ZNF385D: variants seen among roughly 807,000 people sequenced by gnomAD.
ZNF385D encodes zinc finger protein 385D.
ZNF385D carries 15 observed loss-of-function variants against 35.8 expected under a neutral mutation model. The observed-to-expected ratio is 0.42, with a 90% confidence interval of 0.28 to 0.64. The LOEUF (loss-of-function observed/expected upper bound fraction) is 0.64, where lower values mean the gene tolerates loss of function less well. ZNF385D is among the 30% of genes least tolerant of loss of function. The probability of loss-of-function intolerance (pLI) is 0.23; values close to 1 mark genes in which losing one functional copy is unlikely to be tolerated. For missense variants in ZNF385D, 474 were observed against 494.6 expected (o/e 0.96, Z 0.39); for synonymous variants, 212 against 186.8 (o/e 1.13, Z -1.10).
intron 3 of ZNF385D, among the ~76,000 whole-genome samples, chr3:21,883,531 T>G (rs890660524): frequency 6.6e-6 from 1 of 151,988 alleles, no homozygotes; most frequent in African/African-American, 2.4e-5. Flanking sequence ...CCATTCATCC[T>G]TGGTCATGCT....
intron 2 of ZNF385D, among the ~76,000 whole-genome samples, chr3:22,259,608 A>G (rs1700514783): frequency 6.6e-6 from 1 of 152,146 alleles, no homozygotes; most frequent in Admixed American, 6.6e-5. Flanking sequence ...AAAAATGTTT[A>G]ATTCAAGTTT....
Position 21,895,319 on chromosome 3 carries a change from CTTTTTTTTTT to C in ZNF385D, c.326-230301_326-230292del, listed in dbSNP as rs34167369. Among the ~76,000 whole-genome samples, 306 of 62,698 alleles carry C rather than the reference CTTTTTTTTTT, an allele frequency of 4.9e-3. 3 individuals are homozygous for C. The highest frequency in any genetic ancestry group is 0.018 in the African/African-American group (283 of 15,736). The allele number at this position is 62,698 out of a possible 152,430, so 41.1% of individuals were successfully genotyped here. A position where few individuals can be genotyped will look rare whatever the true frequency, so the allele number is the denominator to read the frequency against. ...ATGGTTGAATCACTGAAATGTGTGG[CTTTTTTTTTT>C]TTTTTTTTTTTTTTTTAAGACAGAG... On this transcript the variant is annotated intron_variant, in intron 3 of 5. Transcript: ENST00000494108.
intron 3 of ZNF385D, among the ~76,000 whole-genome samples, chr3:21,847,007 T>C (rs939907978): frequency 7.2e-5 from 11 of 152,152 alleles, no homozygotes; most frequent in African/African-American, 2.6e-4. Context: ...AACCCAGGCC[T>C]TCTCAAGCCC....
chr3:22,338,775 A>G (rs1310761102), intron 2 of ZNF385D, among the ~76,000 whole-genome samples: 2 of 140,352 alleles, frequency 1.4e-5, no homozygotes, highest in African/African-American at 5.6e-5. Context: ...ATCTCGGCTC[A>G]CTGTAGCCTC....
intron 3 of ZNF385D, among the ~76,000 whole-genome samples, chr3:21,925,106 G>A (rs1034776757): frequency 6.6e-6 from 1 of 152,138 alleles, no homozygotes; most frequent in Non-Finnish European, 1.5e-5. Flanking sequence ...TAATCCAATT[G>A]CTAAGAAAAT....
At chr3:22,134,168 T>C (rs1703966915) in intron 3 of ZNF385D, among the ~76,000 whole-genome samples, 1 of 151,918 alleles carries the variant, frequency 6.6e-6, no homozygotes, top group Non-Finnish European at 1.5e-5. Flanking sequence ...CAACTATATA[T>C]TATCAATGAG....
chr3:21,886,579 T>C (rs1464540512), intron 3 of ZNF385D, among the ~76,000 whole-genome samples: 1 of 152,052 alleles, frequency 6.6e-6, no homozygotes, highest in Non-Finnish European at 1.5e-5. Flanking sequence ...AACCACAATT[T>C]TTATGAGTCT....
intron 2 of ZNF385D, among the ~76,000 whole-genome samples, chr3:21,655,805 AC>A (rs1293748987): frequency 2.6e-5 from 4 of 152,066 alleles, no homozygotes; most frequent in African/African-American, 9.7e-5. Flanking sequence ...TCAGTGATTT[AC>A]CATTTGTATG....
intron 3 of ZNF385D, among the ~76,000 whole-genome samples, chr3:21,533,943 A>G (rs1465139571): frequency 1.3e-5 from 2 of 152,126 alleles, no homozygotes; most frequent in African/African-American, 4.8e-5. Flanking sequence ...TTTTAGAAAG[A>G]TGGTAAGTAT....
At chr3:21,763,402 C>T (rs2070702897) in intron 3 of ZNF385D, among the ~76,000 whole-genome samples, 2 of 152,130 alleles carry the variant, frequency 1.3e-5, no homozygotes, top group Non-Finnish European at 2.9e-5. Context: ...ACAAGGGTTT[C>T]TATAAAGTGA....
At chr3:22,143,059 TTGTGTGTGTGTGTGTGTGTGTG>T (rs57448532) in intron 3 of ZNF385D, among the ~76,000 whole-genome samples, 8 of 140,916 alleles carry the variant, frequency 5.7e-5, no homozygotes, top group Admixed American at 7.1e-5. Flanking sequence ...ATTAAATCGG[TTGTGTGTGTGTGTGTGTGTGTG>T]TGTGTGTGTG....
chr3:22,364,351 CAT>C (rs1190686691), intron 2 of ZNF385D, among the ~76,000 whole-genome samples: 3 of 151,922 alleles, frequency 2.0e-5, no homozygotes, highest in African/African-American at 4.8e-5. Context: ...ATTTACAAAT[CAT>C]ATATCAGATT....
chr3:21,672,359 C>A (rs1238939544), intron 1 of ZNF385D, among the ~76,000 whole-genome samples: 1 of 151,754 alleles, frequency 6.6e-6, no homozygotes, highest in East Asian at 1.9e-4. Context: ...TAAAGCTCCT[C>A]ATTGACCTAA....
At chr3:21,999,111 T>C (rs897033373) in intron 3 of ZNF385D, among the ~76,000 whole-genome samples, 1 of 152,202 alleles carries the variant, frequency 6.6e-6, no homozygotes, top group Non-Finnish European at 1.5e-5. Flanking sequence ...CATGTAGACA[T>C]ACAGCTATGC....
intron 3 of ZNF385D, among the ~76,000 whole-genome samples, chr3:21,561,644 G>T (rs2062950463): frequency 6.6e-6 from 1 of 152,176 alleles, no homozygotes; most frequent in Non-Finnish European, 1.5e-5. Flanking sequence ...CCTAATTTCA[G>T]TGTTGTGTCT....
chr3:22,104,003 T>A (rs980375000), intron 3 of ZNF385D, among the ~76,000 whole-genome samples: 12 of 152,170 alleles, frequency 7.9e-5, no homozygotes, highest in Non-Finnish European at 1.5e-4. Flanking sequence ...ATATATTACA[T>A]GTACAATATA....
intron 2 of ZNF385D, among the ~76,000 whole-genome samples, chr3:21,636,218 C>G (rs1221502751): frequency 6.6e-6 from 1 of 150,892 alleles, no homozygotes; most frequent in Non-Finnish European, 1.5e-5. Context: ...ACACCAACAT[C>G]AATTATTTTT....
chr3:21,904,721 GT>G, intron 3 of ZNF385D, among the ~76,000 whole-genome samples: 1 of 152,156 alleles, frequency 6.6e-6, no homozygotes, highest in East Asian at 1.9e-4. Flanking sequence ...CTACTGCTTT[GT>G]TTTCTTTTGT....
intron 3 of ZNF385D, among the ~76,000 whole-genome samples, chr3:22,010,438 C>T (rs1464448373): frequency 1.3e-5 from 2 of 152,314 alleles, no homozygotes; most frequent in Non-Finnish European, 2.9e-5. Flanking sequence ...AATACCAGTT[C>T]GCCTCTAAAT....
Sources: gnomAD v4.1 joint callset for allele counts (sites outside exome capture counted in the v4.1 genomes callset) on GRCh38, gnomAD v4.1.1 for gene constraint, MANE v1.5 for transcripts, NCBI Gene and HGNC (gene_info 2026-07-23, HGNC 2026-07-21) for gene names.